Variants in TENM2 observed in about 807,000 individuals in gnomAD.
TENM2 encodes the protein teneurin-2.
Under a neutral mutation model 245.2 loss-of-function variants are expected in TENM2, and 52 were observed. The ratio of observed to expected loss-of-function variants is 0.21; its 90% CI spans 0.17 to 0.27. TENM2 has a LOEUF of 0.27. TENM2 is among the 10% of genes least tolerant of loss of function. The pLI is 1.00. For synonymous variants in TENM2, 1,363 were observed against 1,438.9 expected (o/e 0.95, Z 1.19); for missense variants, 3,046 against 3,666.8 (o/e 0.83, Z 4.37).
chr5:167,787,511 C>T (rs1233135182), intron 2 of TENM2, among the ~76,000 whole-genome samples: 1 of 152,194 alleles, frequency 6.6e-6, no homozygotes, highest in African/African-American at 2.4e-5. Context: ...CATGCTTTCC[C>T]TTCTCACTTT....
intron 2 of TENM2, among the ~76,000 whole-genome samples, chr5:167,467,174 G>C (rs1278014048): frequency 6.6e-6 from 1 of 152,084 alleles, no homozygotes; most frequent in Non-Finnish European, 1.5e-5. Context: ...TTGGAACATG[G>C]GGGTGGTTTC....
chr5:167,863,460 C>G (rs1451632219), intron 2 of TENM2, among the ~76,000 whole-genome samples: 1 of 74,004 alleles, frequency 1.4e-5, no homozygotes, highest in African/African-American at 8.3e-5. Flanking sequence ...ACTAAAAATA[C>G]ACACACACAC....
At position 167,682,120 on chromosome 5, in the gene TENM2, C is replaced by CCTGCCTGCCTG. The variant is rs1561667555; in HGVS notation, c.503-193865_503-193864insTGCCTGCCTGC. Among the ~76,000 whole-genome samples the CCTGCCTGCCTG allele has an allele frequency of 4.1e-3, 502 of 122,040 alleles. 5 individuals carry two copies. Among genetic ancestry groups the CCTGCCTGCCTG allele is most frequent in the African/African-American group, 0.016 (477 of 29,048 alleles). The allele number at this position is 122,040 out of a possible 152,430, so 80.1% of individuals were successfully genotyped here. ...TCCCTCCCTCCCTCCCTCCCTCCCT[C>CCTGCCTGCCTG]CCTCCCTGCCTGCCTGCCTGCCTGC... On this transcript the variant is annotated intron_variant, in intron 2 of 28. Coordinates refer to ENST00000518659, the Ensembl canonical transcript of TENM2.
intron 1 of TENM2, among the ~76,000 whole-genome samples, chr5:167,312,510 T>C (rs1162814368): frequency 6.6e-6 from 1 of 152,164 alleles, no homozygotes; most frequent in East Asian, 1.9e-4. Context: ...CTTCCTTTTC[T>C]GTCTCATTTT....
chr5:167,933,755 C>A (rs574003584), intron 3 of TENM2, among the ~76,000 whole-genome samples: 1 of 152,174 alleles, frequency 6.6e-6, no homozygotes, highest in African/African-American at 2.4e-5. Flanking sequence ...TGACTTCCTA[C>A]CTGAGGCAAG....
chr5:168,215,188 A>T, exon 21 of TENM2: 1 of 1,611,928 alleles, frequency 6.2e-7, no homozygotes, highest in Non-Finnish European at 8.5e-7. Context: ...TGTGGCAGGG[A>T]CGGGAGAGCA....
chr5:167,582,871 T>C (rs746047024), intron 2 of TENM2, among the ~76,000 whole-genome samples: 4 of 152,226 alleles, frequency 2.6e-5, no homozygotes, highest in Non-Finnish European at 4.4e-5. Flanking sequence ...CCCTTGACTC[T>C]TAGAAATGAA....
chr5:167,807,693 A>G (rs1766328254), intron 2 of TENM2, among the ~76,000 whole-genome samples: 4 of 151,998 alleles, frequency 2.6e-5, no homozygotes, highest in Admixed American at 2.6e-4. Flanking sequence ...AGGCAGAATA[A>G]TAGCAAGTTG....
intron 10 of TENM2, among the ~76,000 whole-genome samples, chr5:168,119,795 A>T (rs1374756638): frequency 6.6e-6 from 1 of 152,112 alleles, no homozygotes; most frequent in Non-Finnish European, 1.5e-5. Context: ...CCAACAAACT[A>T]AGGGGAAAAA....
chr5:167,127,469 G>A, the TENM2 span, among the ~76,000 whole-genome samples: 1 of 152,044 alleles, frequency 6.6e-6, no homozygotes. Context: ...GTGACTTGAT[G>A]CATTCATTTT....
chr5:167,175,665 T>C, the TENM2 span, among the ~76,000 whole-genome samples: 1 of 152,310 alleles, frequency 6.6e-6, no homozygotes, highest in East Asian at 1.9e-4. Flanking sequence ...TGGCCTGAAC[T>C]CTCACACTGC....
intron 2 of TENM2, among the ~76,000 whole-genome samples, chr5:167,657,528 G>C (rs1754926734): frequency 6.6e-6 from 1 of 152,156 alleles, no homozygotes; most frequent in Non-Finnish European, 1.5e-5. Flanking sequence ...TCATATGGTA[G>C]TTTTATTTGT....
chr5:167,935,281 C>G (rs1481355349), intron 3 of TENM2, among the ~76,000 whole-genome samples: 2 of 152,146 alleles, frequency 1.3e-5, no homozygotes, highest in Admixed American at 1.3e-4. Context: ...GCCAAAGACC[C>G]TATTGTGAGC....
intron 2 of TENM2, among the ~76,000 whole-genome samples, chr5:167,536,546 A>C (rs1214804141): frequency 1.3e-5 from 2 of 152,180 alleles, no homozygotes; most frequent in Non-Finnish European, 2.9e-5. Context: ...GATTTGGATC[A>C]TGTACTATAG....
chr5:168,218,575 C>G lies in TENM2; in HGVS notation c.4684C>G (p.Leu1562Val). 1 of 1,613,972 alleles carries G rather than the reference C, an allele frequency of 6.2e-7. No individual in the cohort carries two copies. The highest frequency in any genetic ancestry group is 2.2e-5 in the East Asian group (1 of 44,882). Reference sequence around the variant, plus strand: ...AGATGGTACCATTTACATTGCAGACCTTGGAAATATTCGGATCAGGGCGGT... The same window carrying G: ...AGATGGTACCATTTACATTGCAGACGTTGGAAATATTCGGATCAGGGCGGT... The change falls in exon 23 of 29, where the codon CTT (leucine) becomes GTT (valine). Residue 1562 changes from leucine to valine, a missense_variant. Physicochemically the swap from Leu to Val is conservative, Grantham distance 32. Coordinates refer to ENST00000518659, the Ensembl canonical transcript of TENM2. This position sits in a 1 kb window ranked among gnomAD's most constrained non-coding sequence, Gnocchi z 5.2.
At chr5:168,001,252 G>A (rs1487015385) in intron 5 of TENM2, among the ~76,000 whole-genome samples, 4 of 152,170 alleles carry the variant, frequency 2.6e-5, no homozygotes, top group Admixed American at 1.3e-4. Context: ...GGAATGGTTA[G>A]GGGGCCATGT....
At chr5:167,112,484 G>C in the TENM2 span, among the ~76,000 whole-genome samples, 5 of 152,112 alleles carry the variant, frequency 3.3e-5, no homozygotes, top group Non-Finnish European at 7.4e-5. Flanking sequence ...TCACCTTTGT[G>C]GGGTAATAAA....
intron 2 of TENM2, among the ~76,000 whole-genome samples, chr5:167,655,025 T>A (rs551734150): frequency 6.6e-6 from 1 of 152,288 alleles, no homozygotes; most frequent in African/African-American, 2.4e-5. Context: ...TTATAAACAT[T>A]ATGTCTTCAT....
chr5:167,288,335 G>C, intron 1 of TENM2, among the ~76,000 whole-genome samples: 1 of 152,090 alleles, frequency 6.6e-6, no homozygotes. Context: ...CGAGGTGGGC[G>C]GATCACGAGG....
Sources: allele counts gnomAD v4.1 joint callset (sites outside exome capture counted in the v4.1 genomes callset), GRCh38; gene constraint gnomAD v4.1.1; non-coding constraint Gnocchi (gnomAD v3.1); transcripts MANE v1.5; gene names NCBI Gene and HGNC (gene_info 2026-07-23, HGNC 2026-07-21).